Variants in NFXL1 observed in about 807,000 individuals in gnomAD.
NFXL1 encodes NF-X1-type zinc finger protein NFXL1.
A neutral mutation model predicts 123.3 loss-of-function variants in NFXL1; 66 were observed. The ratio of observed to expected loss-of-function variants is 0.54; its 90% CI spans 0.44 to 0.66. NFXL1 has a LOEUF of 0.66. Ranked by LOEUF, NFXL1 falls within the 30% of genes least tolerant of loss-of-function variation. The probability of loss-of-function intolerance (pLI) is 0.00; values close to 1 mark genes in which losing one functional copy is unlikely to be tolerated. For missense variants in NFXL1, 944 were observed against 1,125.6 expected (o/e 0.84, Z 2.31); for synonymous variants, 346 against 360.8 (o/e 0.96, Z 0.46).
Position 47,865,275 on chromosome 4 carries a change from C to A in NFXL1, c.2247-2360G>T, listed in dbSNP as rs566942767. On this transcript the variant is annotated intron_variant, in intron 18 of 22. Transcript: ENST00000507489. The stretch of plus-strand genomic sequence containing the variant: ...GCAAACGAAATTATTAGAACTGAAG[C>A]GATAGAATTCTATATTAAAACATAT... 1.2e-3 allele frequency among the ~76,000 whole-genome samples: 187 copies of A among 151,716 alleles called. 1 individual carries two copies. Among genetic ancestry groups the A allele is most frequent in the African/African-American group, 4.2e-3 (174 of 41,342 alleles).
rs1733899830 is a variant in NFXL1, at chr4:47,847,875, T to C, written c.*288A>G. On this transcript the variant is annotated 3_prime_UTR_variant, in exon 23 of 23. Coordinates refer to ENST00000507489, the MANE Select transcript of NFXL1 (RefSeq NM_001278624.2). ...GGTTTGAATTATTAAATGAAAAAAC[T>C]AAGTACAAGGAAGCCCAATGAACAA... 4.5e-6 allele frequency: 1 copy of C among 224,114 alleles called. No individual in the cohort carries two copies. Among genetic ancestry groups the C allele is most frequent in the East Asian group, 9.1e-5 (1 of 11,044 alleles). The allele number at this position is 224,114 out of a possible 1,614,324, so 13.9% of individuals were successfully genotyped here.
intron 18 of NFXL1, among the ~76,000 whole-genome samples, chr4:47,870,161 A>T (rs11932509): frequency 0.032 from 4,892 of 152,250 alleles, 262 homozygotes; most frequent in African/African-American, 0.11. Context: ...AAGCATAGAA[A>T]ACCAAGGAAA....
intron 19 of NFXL1, among the ~76,000 whole-genome samples, chr4:47,858,130 A>T (rs1000881848): frequency 1.3e-5 from 2 of 152,214 alleles, no homozygotes; most frequent in African/African-American, 4.8e-5. Flanking sequence ...CTGAAAACGT[A>T]TTCAAACTCA....
chr4:47,886,003 A>C lies in NFXL1; in HGVS notation c.1544-4T>G, dbSNP rs1354537785. ...TCTGGGCAGGGATAGCAACTGCCTGAAAAAAAAGTCTGACAATTAAAAAGT... is the reference window on the plus strand; with the variant it reads ...TCTGGGCAGGGATAGCAACTGCCTGCAAAAAAAGTCTGACAATTAAAAAGT... On this transcript the variant is annotated splice_region_variant and splice_polypyrimidine_tract_variant and intron_variant, in intron 12 of 22. Transcript: ENST00000507489. 6.3e-7 allele frequency: 1 copy of C among 1,590,774 alleles called. No homozygotes were observed. Among genetic ancestry groups the C allele is most frequent in the Non-Finnish European group, 8.6e-7 (1 of 1,168,328 alleles).
At chr4:47,904,233 C>G (rs977823148) in intron 4 of NFXL1, among the ~76,000 whole-genome samples, 1 of 152,178 alleles carries the variant, frequency 6.6e-6, no homozygotes, top group Non-Finnish European at 1.5e-5. Context: ...TAAAACACGC[C>G]TTGGACTGCC....
At chr4:47,850,777 T>C (rs1044757109) in intron 22 of NFXL1, among the ~76,000 whole-genome samples, 1 of 151,972 alleles carries the variant, frequency 6.6e-6, no homozygotes, top group Admixed American at 6.6e-5. Flanking sequence ...CTTACAATGG[T>C]GATGATTCGC....
chr4:47,898,629 AATTC>A, intron 8 of NFXL1, 124 bp downstream of exon 8: 1 of 632,420 alleles, frequency 1.6e-6, no homozygotes, highest in South Asian at 2.0e-5. Context: ...AACATGATAT[AATTC>A]ATCTGAGTTG....
At chr4:47,864,739 G>A (rs1275750307) in intron 18 of NFXL1, among the ~76,000 whole-genome samples, 1 of 152,162 alleles carries the variant, frequency 6.6e-6, no homozygotes, top group Non-Finnish European at 1.5e-5. Context: ...GCAAATGGTG[G>A]GGCAGGGGTA....
Position 47,848,129 on chromosome 4 carries a change from C to G in NFXL1, c.*34G>C. 7.3e-7 allele frequency: 1 copy of G among 1,372,004 alleles called. No homozygotes were observed. Among genetic ancestry groups the G allele is most frequent in the Non-Finnish European group, 1.0e-6 (1 of 1,000,566 alleles). 85.0% of individuals were successfully genotyped at this position (1,372,004 alleles called of 1,614,324 possible). A position where few individuals can be genotyped will look rare whatever the true frequency, so the allele number is the denominator to read the frequency against. On this transcript the variant is annotated 3_prime_UTR_variant, in exon 23 of 23. Coordinates refer to ENST00000507489, the MANE Select transcript of NFXL1 (RefSeq NM_001278624.2). ...TCAAATTTAACAACTTATCTAAATCCAATCTGAGTTACATTAAAAGATCAA... is the reference window on the plus strand; with the variant it reads ...TCAAATTTAACAACTTATCTAAATCGAATCTGAGTTACATTAAAAGATCAA...
intron 9 of NFXL1, 133 bp from the exon 10 acceptor site, chr4:47,896,780 T>C (rs1737113490): frequency 1.8e-6 from 1 of 555,056 alleles, no homozygotes; most frequent in Non-Finnish European, 3.1e-6. Flanking sequence ...ACATAATCAT[T>C]GGGAAAAATT....
Position 47,898,750 on chromosome 4 carries a change from A to T in NFXL1, c.1089+7T>A, listed in dbSNP as rs913593804. On this transcript the variant is annotated splice_region_variant and intron_variant, in intron 8 of 22. Transcript: ENST00000507489. ...ATACCCACCCCTCAAAATGCATATA[A>T]ACTTACTTGATCACAGTGCCATAGT... 6.4e-7 allele frequency: 1 copy of T among 1,570,484 alleles called. No homozygotes were observed. Among genetic ancestry groups the T allele is most frequent in the African/African-American group, 1.4e-5 (1 of 74,002 alleles).
intron 12 of NFXL1, among the ~76,000 whole-genome samples, chr4:47,888,753 G>A (rs1736601916): frequency 6.6e-6 from 1 of 151,808 alleles, no homozygotes; most frequent in Non-Finnish European, 1.5e-5. Context: ...GTCATAAGGG[G>A]AAAAAAGGAG....
chr4:47,896,969 T>C (rs1304142078), intron 9 of NFXL1, among the ~76,000 whole-genome samples: 1 of 152,186 alleles, frequency 6.6e-6, no homozygotes, highest in Non-Finnish European at 1.5e-5. Flanking sequence ...ATGTAAAAAT[T>C]TGTTTTAAAA....
At chr4:47,890,046 TA>T (rs1182223073) in intron 12 of NFXL1, among the ~76,000 whole-genome samples, 3 of 152,078 alleles carry the variant, frequency 2.0e-5, no homozygotes, top group Admixed American at 1.3e-4. Flanking sequence ...CTGCTATTTT[TA>T]AAAAATAATA....
At chr4:47,884,312 G>T (rs13152765) in intron 15 of NFXL1, 34 bp downstream of exon 15, 11,285 of 969,152 alleles carry the variant, frequency 0.012, 35 homozygotes, top group Non-Finnish European at 0.014. Flanking sequence ...AAAGTTTTTT[G>T]TTTTTTTTTT....
At position 47,885,584 on chromosome 4, in the gene NFXL1, G is replaced by A. The variant is rs1418872144; in HGVS notation, c.1738C>T (p.Gln580Ter). Reference sequence around the variant, plus strand: ...TTCTCCAAAACTTTTTGGCAAGGTTGATGACATGGTGGACAAGAACCAAAG... The same window carrying A: ...TTCTCCAAAACTTTTTGGCAAGGTTAATGACATGGTGGACAAGAACCAAAG... ...CHFGSCPPCH[Q>*]PCQKVLEKCG... Residue 580 changes from glutamine to a stop codon, truncating the protein, a stop_gained, in exon 14 of 23, where the codon CAA (glutamine) becomes TAA (stop). Transcript: ENST00000507489. LOFTEE classifies it high-confidence loss of function. The A allele has an allele frequency of 1.2e-6, 2 of 1,613,780 alleles. No homozygotes were observed. Among genetic ancestry groups the A allele is most frequent in the South Asian group, 1.1e-5 (1 of 91,082 alleles).
chr4:47,861,899 T>G (rs1734790325), intron 19 of NFXL1, among the ~76,000 whole-genome samples: 1 of 152,216 alleles, frequency 6.6e-6, no homozygotes, highest in African/African-American at 2.4e-5. Flanking sequence ...AATCAAAGAC[T>G]GATTATGATA....
chr4:47,889,173 T>A (rs930983798), intron 12 of NFXL1, among the ~76,000 whole-genome samples: 3 of 152,202 alleles, frequency 2.0e-5, no homozygotes, highest in Non-Finnish European at 4.4e-5. Context: ...TTTGGTCTTT[T>A]AATGTGGTAA....
At chr4:47,864,400 G>A (rs994576864) in intron 18 of NFXL1, among the ~76,000 whole-genome samples, 8 of 151,948 alleles carry the variant, frequency 5.3e-5, no homozygotes, top group South Asian at 2.1e-4. Context: ...ACCTTCCTCC[G>A]CCTTTCTGTC....
Sources: gnomAD v4.1 joint callset for allele counts (sites outside exome capture counted in the v4.1 genomes callset) on GRCh38, gnomAD v4.1.1 for gene constraint, MANE v1.5 for transcripts, NCBI Gene and HGNC (gene_info 2026-07-23, HGNC 2026-07-21) for gene names.